Variants in SLC66A3 observed in about 807,000 individuals in gnomAD.
SLC66A3 encodes the protein solute carrier family 66 member 3.
In SLC66A3, 23 loss-of-function variants were observed where a neutral mutation model predicts 25.5. The ratio of observed to expected loss-of-function variants is 0.90; its 90% CI spans 0.65 to 1.28. The LOEUF (loss-of-function observed/expected upper bound fraction) is 1.28. SLC66A3 is among the 50% of genes most tolerant of loss of function. SLC66A3 has a pLI of 0.00. For missense variants in SLC66A3, 246 were observed against 262.1 expected, an observed-to-expected ratio of 0.94 and a Z score of 0.42; for synonymous variants, 108 against 112.6, an observed-to-expected ratio of 0.96 and a Z score of 0.26.
intron 1 of SLC66A3, among the ~76,000 whole-genome samples, chr2:11,159,477 G>A (rs528491483): frequency 3.9e-5 from 6 of 152,312 alleles, no homozygotes; most frequent in South Asian, 2.1e-4. Context: ...GGAGGCCCTC[G>A]TGCTCAGGGC....
chr2:11,167,783 T>C (rs2147994797), intron 4 of SLC66A3, among the ~76,000 whole-genome samples: 1 of 152,168 alleles, frequency 6.6e-6, no homozygotes, highest in African/African-American at 2.4e-5. Flanking sequence ...TCACACATGG[T>C]AGCAAAACCC....
intron 5 of SLC66A3, chr2:11,172,650 G>T (rs1383068811): frequency 6.5e-6 from 2 of 308,930 alleles, no homozygotes; most frequent in African/African-American, 2.2e-5. Flanking sequence ...ATCTTAAAGG[G>T]CTAATGTCTC....
rs1277539313 is a variant in SLC66A3 at position 11,170,572 on chromosome 2, T to TA, written c.355-1349dup. 2.0e-5 allele frequency among the ~76,000 whole-genome samples: 3 copies of TA among 150,210 alleles called. No homozygotes were observed. In the East Asian group the frequency reaches 5.9e-4, roughly 30 times the overall value. ...GAACAGCATAGATTTCCCCAAGCTC[T>TA]AAAACACAGTATCTCAGTACTTTTT... On this transcript the variant is annotated intron_variant, in intron 4 of 6. Coordinates refer to ENST00000295083, the MANE Select transcript of SLC66A3 (RefSeq NM_152391.5).
chr2:11,174,577 ACCTTTGCCTC>A (rs1287836554), intron 5 of SLC66A3, among the ~76,000 whole-genome samples: 2 of 151,630 alleles, frequency 1.3e-5, no homozygotes, highest in Non-Finnish European at 2.9e-5. Context: ...GCTCACTGCA[ACCTTTGCCTC>A]CCAGGTTCAA....
Position 11,175,001 on chromosome 2 carries a change from A to T in SLC66A3, c.509A>T (p.Asp170Val). ...ATCACAACCTTAATGACCACCAATG[A>T]TTTTACAAGTAAGCAAAATATCTTC... ...RIITTLMTTN[D>V]FTILLRFVIM... Residue 170 changes from aspartate to valine, a missense_variant, in exon 6 of 7, where the codon GAT becomes GTT. Asp to Val is a radical substitution (Grantham distance 152). Coordinates refer to ENST00000295083, the MANE Select transcript of SLC66A3 (RefSeq NM_152391.5). 1 of 1,608,078 alleles carries T rather than the reference A, an allele frequency of 6.2e-7. No homozygotes were observed. The highest frequency in any genetic ancestry group is 8.5e-7 in the Non-Finnish European group (1 of 1,177,792).
At chr2:11,160,308 T>C (rs764447303) in intron 1 of SLC66A3, 158 bp from the exon 2 acceptor site, 16 of 658,790 alleles carry the variant, frequency 2.4e-5, no homozygotes, top group Admixed American at 4.7e-5. Context: ...TTCAACTGAA[T>C]TCCATCTATT....
In SLC66A3 at chr2:11,176,782, C is replaced by A. The variant is rs1310137299; in HGVS notation, c.518-955C>A. On this transcript the variant is annotated intron_variant, in intron 6 of 6. Coordinates refer to ENST00000295083, the MANE Select transcript of SLC66A3 (RefSeq NM_152391.5). The stretch of plus-strand genomic sequence containing the variant: ...TGACCTCGTGATCCGCCCGCCTCGG[C>A]CTCCCAAAGTGCTGGGATTACAGGC... 3.3e-5 allele frequency among the ~76,000 whole-genome samples: 5 copies of A among 151,454 alleles called. No individual in the cohort carries two copies. In the East Asian group the frequency reaches 9.8e-4, roughly 30 times the overall value.
intron 1 of SLC66A3, 70 bp downstream of exon 1, chr2:11,155,759 G>T (rs907262541): frequency 1.6e-6 from 2 of 1,285,730 alleles, no homozygotes; most frequent in Middle Eastern, 2.8e-4. Flanking sequence ...GCCCAGGAGA[G>T]CCTCGGCTCG....
chr2:11,163,138 T>TG (rs1249065629), intron 3 of SLC66A3, among the ~76,000 whole-genome samples: 1 of 152,150 alleles, frequency 6.6e-6, no homozygotes, highest in Non-Finnish European at 1.5e-5. Context: ...CCCAGCTACT[T>TG]GGGGAAAGTT....
rs1662020541 is a variant in SLC66A3 at position 11,159,111 on chromosome 2, C to G, written c.144-1355C>G. ...CTCTGACATCCCCAGGTTCTCAGGCCTGGCCTGTGGACTGTGGCTGCGTCC... is the reference window on the plus strand; with the variant it reads ...CTCTGACATCCCCAGGTTCTCAGGCGTGGCCTGTGGACTGTGGCTGCGTCC... On this transcript the variant is annotated intron_variant, in intron 1 of 6. Coordinates refer to ENST00000295083, the MANE Select transcript of SLC66A3 (RefSeq NM_152391.5). Among the ~76,000 whole-genome samples the G allele has an allele frequency of 2.6e-5, 4 of 152,244 alleles. No homozygotes were observed. The South Asian group carries it at 8.3e-4, about 31-fold the overall frequency.
rs531850298 is a variant in SLC66A3, at chr2:11,178,821, T to C, written c.*993T>C. On this transcript the variant is annotated 3_prime_UTR_variant, in exon 7 of 7. Transcript: ENST00000295083. Reference sequence around the variant, plus strand: ...CAGTAATGATGTTTACCAGAGATTATTGTTTCCTATGCAAAATAAATTTTC... The same window carrying C: ...CAGTAATGATGTTTACCAGAGATTACTGTTTCCTATGCAAAATAAATTTTC... 6.6e-6 allele frequency: 1 copy of C among 152,358 alleles called. No individual in the cohort carries two copies. Among genetic ancestry groups the C allele is most frequent in the Non-Finnish European group, 1.5e-5 (1 of 68,028 alleles). The allele number at this position is 152,358 out of a possible 1,614,324, so 9.4% of individuals were successfully genotyped here.
intron 3 of SLC66A3, 107 bp downstream of exon 3, chr2:11,160,801 TA>T (rs35227502): frequency 0.024 from 29,228 of 1,214,280 alleles, 215 homozygotes; most frequent in African/African-American, 0.09. Flanking sequence ...TTGGTTAAAC[TA>T]AAAAAAAAAA....
At chr2:11,172,725 ACTTT>A (rs202190497) in intron 5 of SLC66A3, 6,143 of 431,048 alleles carry the variant, frequency 0.014, 85 homozygotes, top group East Asian at 0.053. Context: ...TAAAATCAAG[ACTTT>A]CTTTCTTTTT....
intron 4 of SLC66A3, among the ~76,000 whole-genome samples, chr2:11,167,463 GAATC>G (rs1049427895): frequency 6.6e-6 from 1 of 152,118 alleles, no homozygotes; most frequent in African/African-American, 2.4e-5. Flanking sequence ...CAAAACAAAA[GAATC>G]AAGTTCAGGG....
chr2:11,163,702 G>A (rs981766650), intron 3 of SLC66A3, among the ~76,000 whole-genome samples: 27 of 152,134 alleles, frequency 1.8e-4, no homozygotes, highest in African/African-American at 6.0e-4. Context: ...TGGCGTCACC[G>A]AGCTCGGTGC....
chr2:11,158,432 G>C (rs1053090346), intron 1 of SLC66A3, among the ~76,000 whole-genome samples: 5 of 152,220 alleles, frequency 3.3e-5, no homozygotes, highest in African/African-American at 1.2e-4. Flanking sequence ...GGAGGCCCAG[G>C]CCGGCGGATC....
chr2:11,171,465 A>G (rs774191100), intron 4 of SLC66A3, among the ~76,000 whole-genome samples: 6 of 152,016 alleles, frequency 3.9e-5, no homozygotes, highest in Non-Finnish European at 7.4e-5. Flanking sequence ...TAAATGTCTC[A>G]CTATTGCATT....
intron 1 of SLC66A3, 133 bp from the exon 2 acceptor site, chr2:11,160,333 C>A: frequency 2.7e-6 from 2 of 745,200 alleles, no homozygotes; most frequent in Non-Finnish European, 4.8e-6. Context: ...TCTAAACCTT[C>A]CTCTTTGACA....
At chr2:11,172,138 CT>C in intron 5 of SLC66A3, 93 bp downstream of exon 5, 1 of 1,268,642 alleles carries the variant, frequency 7.9e-7, no homozygotes, top group Non-Finnish European at 1.1e-6. Context: ...AACATGGTCC[CT>C]GGCGCTTTAC....
Sources: allele counts gnomAD v4.1 joint callset (sites outside exome capture counted in the v4.1 genomes callset), GRCh38; gene constraint gnomAD v4.1.1; transcripts MANE v1.5; gene names NCBI Gene and HGNC (gene_info 2026-07-23, HGNC 2026-07-21).